Variants in MCTP2 observed in about 807,000 individuals in gnomAD.
MCTP2 encodes multiple C2 and transmembrane domain containing 2.
Under a neutral mutation model 111.6 loss-of-function variants are expected in MCTP2, and 132 were observed. The ratio of observed to expected loss-of-function variants is 1.18; its 90% CI spans 1.03 to 1.37. The LOEUF (loss-of-function observed/expected upper bound fraction) is 1.37, where lower values mean the gene tolerates loss of function less well. Ranked by LOEUF, MCTP2 falls within the 40% of genes most tolerant of loss-of-function variation. The pLI is 0.00. For missense variants in MCTP2, 1,183 were observed against 1,067.9 expected (o/e 1.11, Z -1.50); for synonymous variants, 395 against 387.7 (o/e 1.02, Z -0.22).
chr15:94,480,319 CTA>C lies in MCTP2; in HGVS notation c.*1287_*1288del, dbSNP rs2074662454. 6.7e-6 allele frequency: 1 copy of C among 148,238 alleles called. No homozygotes were observed. The highest frequency in any genetic ancestry group is 6.7e-5 in the Admixed American group (1 of 14,948). 9.2% of individuals were successfully genotyped at this position (148,238 alleles called of 1,614,324 possible). Reference sequence around the variant, plus strand: ...AAGATCTCATTTAATAGTGAGTTCACTATTTTTTTTTTTTTGTCTCTGGGTTG... The same window carrying C: ...AAGATCTCATTTAATAGTGAGTTCACTTTTTTTTTTTTTGTCTCTGGGTTG... On this transcript the variant is annotated 3_prime_UTR_variant, in exon 23 of 23. Transcript: ENST00000357742.
chr15:94,324,228 C>A (rs1251959261), intron 4 of MCTP2, among the ~76,000 whole-genome samples: 1 of 152,214 alleles, frequency 6.6e-6, no homozygotes, highest in East Asian at 1.9e-4. Context: ...TTCAGCCTTG[C>A]GATATGGGCA....
chr15:94,402,159 C>G, intron 17 of MCTP2, 140 bp downstream of exon 17: 1 of 1,317,838 alleles, frequency 7.6e-7, no homozygotes, highest in South Asian at 1.6e-5. Context: ...CTGGGAAACC[C>G]CTTAAATTAC....
chr15:94,343,770 A>T (rs1161520492), intron 7 of MCTP2: 2 of 152,232 alleles, frequency 1.3e-5, no homozygotes, highest in Non-Finnish European at 2.9e-5. Flanking sequence ...ATGTGAAACA[A>T]GGATAAAAAG....
intron 1 of MCTP2, among the ~76,000 whole-genome samples, chr15:94,256,522 C>A (rs1378591): frequency 0.47 from 71,556 of 151,974 alleles, 17,011 homozygotes; most frequent in Middle Eastern, 0.59. Flanking sequence ...TTCAGATAGC[C>A]AGTCTCAGTA....
intron 12 of MCTP2, among the ~76,000 whole-genome samples, chr15:94,381,513 G>A (rs1350576595): frequency 1.3e-5 from 2 of 152,158 alleles, no homozygotes; most frequent in Middle Eastern, 3.2e-3. Flanking sequence ...GCCACAGAAC[G>A]AGCCCACCTG....
intron 17 of MCTP2, among the ~76,000 whole-genome samples, chr15:94,427,440 G>A (rs1180768519): frequency 6.6e-6 from 1 of 152,140 alleles, no homozygotes; most frequent in Non-Finnish European, 1.5e-5. Context: ...CAATCATGAT[G>A]GAAGGTGAAG....
At chr15:94,366,389 TA>T (rs2079186722) in intron 10 of MCTP2, among the ~76,000 whole-genome samples, 1 of 152,208 alleles carries the variant, frequency 6.6e-6, no homozygotes, top group African/African-American at 2.4e-5. Flanking sequence ...TATTGGTATG[TA>T]AAATATTTTA....
intron 1 of MCTP2, among the ~76,000 whole-genome samples, chr15:94,295,365 C>CTG (rs1405999948): frequency 1.3e-5 from 2 of 152,096 alleles, no homozygotes; most frequent in Non-Finnish European, 2.9e-5. Context: ...ATCTGTCTGT[C>CTG]TGTCTCCATC....
chr15:94,432,505 G>A (rs565530297), intron 17 of MCTP2, among the ~76,000 whole-genome samples: 1 of 152,242 alleles, frequency 6.6e-6, no homozygotes, highest in Admixed American at 6.5e-5. Flanking sequence ...ATGTTGGCTA[G>A]ATTCCCAAAT....
intron 8 of MCTP2, among the ~76,000 whole-genome samples, chr15:94,352,333 C>A (rs2078351170): frequency 6.6e-6 from 1 of 152,144 alleles, no homozygotes. Flanking sequence ...GCACAGCACA[C>A]CTTGTTTTCA....
At chr15:94,261,950 T>C (rs995660854) in intron 1 of MCTP2, among the ~76,000 whole-genome samples, 1 of 152,172 alleles carries the variant, frequency 6.6e-6, no homozygotes, top group African/African-American at 2.4e-5. Flanking sequence ...ATTTCAGGAC[T>C]TTGAAAAACA....
At chr15:94,390,052 A>G (rs2080787032) in intron 14 of MCTP2, among the ~76,000 whole-genome samples, 3 of 4,504 alleles carry the variant, frequency 6.7e-4, no homozygotes, top group Admixed American at 5.0e-3. Flanking sequence ...TTCAAGGCAT[A>G]TATATATATA....
At chr15:94,295,269 GAC>G (rs1384921370) in intron 1 of MCTP2, among the ~76,000 whole-genome samples, 1 of 151,854 alleles carries the variant, frequency 6.6e-6, no homozygotes, top group African/African-American at 2.4e-5. Flanking sequence ...TATTTTTAAA[GAC>G]ACAATCTTGA....
intron 19 of MCTP2, among the ~76,000 whole-genome samples, chr15:94,445,167 T>C (rs576983674): frequency 2.2e-4 from 34 of 152,302 alleles, no homozygotes; most frequent in African/African-American, 7.9e-4. Flanking sequence ...CTGGGAGCTG[T>C]TGCATTCATC....
At chr15:94,244,404 A>G (rs1391579316) in intron 1 of MCTP2, among the ~76,000 whole-genome samples, 11 of 149,874 alleles carry the variant, frequency 7.3e-5, no homozygotes, top group Admixed American at 6.7e-4. Context: ...GTATATTTAT[A>G]TTCGTATATG....
intron 1 of MCTP2, among the ~76,000 whole-genome samples, chr15:94,293,835 C>T (rs2075136942): frequency 1.3e-5 from 2 of 152,304 alleles, no homozygotes; most frequent in African/African-American, 2.4e-5. Context: ...ATTCATTTAT[C>T]ATATGACCCA....
In MCTP2 at chr15:94,406,153, A is replaced by C. The variant is rs191632919; in HGVS notation, c.2085+4134A>C. ...CTATTTGAACTATTATTCATAGTTC[A>C]TGTTATTTCAGTGCTTAGACACTGT... On this transcript the variant is annotated intron_variant, in intron 17 of 22. Coordinates refer to ENST00000357742, the MANE Select transcript of MCTP2 (RefSeq NM_001385001.1). Among the ~76,000 whole-genome samples, 1,074 of 152,318 alleles carry C rather than the reference A, an allele frequency of 7.1e-3. 39 individuals are homozygous for C. The highest frequency in any genetic ancestry group is 6.9e-3 in the East Asian group (36 of 5,186).
chr15:94,240,066 G>GT lies in MCTP2; in HGVS notation c.-66+8412dup, dbSNP rs57636814. ...GTCAGGCTGTGCCTTTTCATTGGTA[G>GT]TTTTTTTTTTGTTTGTTTTGTTTTT... On this transcript the variant is annotated intron_variant, in intron 1 of 22. Coordinates refer to ENST00000357742, the MANE Select transcript of MCTP2 (RefSeq NM_001385001.1). 9.0e-3 allele frequency among the ~76,000 whole-genome samples: 1,350 copies of GT among 150,418 alleles called. 18 individuals carry two copies. The highest frequency in any genetic ancestry group is 0.031 in the African/African-American group (1,268 of 41,108).
In MCTP2 at chr15:94,340,811, A is replaced by G. The variant is rs767005075; in HGVS notation, c.858-2A>G. 16 of 1,592,906 alleles carry G rather than the reference A, an allele frequency of 1.0e-5. No individual in the cohort carries two copies. The highest frequency in any genetic ancestry group is 9.5e-6 in the Non-Finnish European group (11 of 1,162,166). The stretch of plus-strand genomic sequence containing the variant: ...GCATTATTTGTTGCTTTTTGCTTGT[A>G]GAACAACTGAACATATTTTAAAACT... On this transcript the variant is annotated splice_acceptor_variant, in intron 6 of 22. Transcript: ENST00000357742. LOFTEE classifies it high-confidence loss of function.
Sources: gnomAD v4.1 joint callset for allele counts (sites outside exome capture counted in the v4.1 genomes callset) on GRCh38, gnomAD v4.1.1 for gene constraint, MANE v1.5 for transcripts, NCBI Gene and HGNC (gene_info 2026-07-23, HGNC 2026-07-21) for gene names.